The following CCND2 variants were observed in gnomAD, a reference collection of about 807,000 sequenced individuals.
CCND2 encodes the protein G1/S-specific cyclin-D2.
Under a neutral mutation model 30.2 loss-of-function variants are expected in CCND2, and 6 were observed. The observed-to-expected ratio is 0.20, with a 90% CI of 0.11 to 0.39. CCND2 has a LOEUF of 0.39. Ranked by LOEUF, CCND2 falls within the 10% of genes least tolerant of loss-of-function variation. The pLI is 1.00. For synonymous variants in CCND2, 150 were observed against 153.1 expected (o/e 0.98, Z 0.15); for missense variants, 235 against 373.4 (o/e 0.63, Z 3.06).
rs1226201563 is a variant in CCND2 at position 4,285,822 on chromosome 12, C to A, written c.572-3020C>A. 1.3e-5 allele frequency among the ~76,000 whole-genome samples: 2 copies of A among 152,164 alleles called. No individual in the cohort carries two copies. The highest frequency in any genetic ancestry group is 4.1e-4 in the South Asian group (2 of 4,828). ...TTTTCTCTCTGTTCAGTATCCCCTACCAGTAGAGAGGGGGATGTCCTTGAG... is the reference window on the plus strand; with the variant it reads ...TTTTCTCTCTGTTCAGTATCCCCTAACAGTAGAGAGGGGGATGTCCTTGAG... On this transcript the variant is annotated intron_variant, in intron 3 of 4. Coordinates refer to ENST00000261254, the MANE Select transcript of CCND2 (RefSeq NM_001759.4). This position sits in a 1 kb window ranked among gnomAD's most constrained non-coding sequence, Gnocchi z 4.1.
chr12:4,278,534 G>A (rs1670380979), intron 2 of CCND2: 3 of 437,996 alleles, frequency 6.8e-6, no homozygotes, highest in Non-Finnish European at 1.2e-5. Flanking sequence ...ACAGCTACCT[G>A]GGCTCTCATT....
At chr12:4,279,322 C>T (rs1353349961) in intron 3 of CCND2, among the ~76,000 whole-genome samples, 1 of 151,788 alleles carries the variant, frequency 6.6e-6, no homozygotes, top group Non-Finnish European at 1.5e-5. Flanking sequence ...GGGGCAAATA[C>T]AGGTTAAAGG....
rs1864254305 is a variant in CCND2, at chr12:4,301,852, T to A, written c.*1843T>A. 1 of 232,948 alleles carries A rather than the reference T, an allele frequency of 4.3e-6. No homozygotes were observed. Among genetic ancestry groups the A allele is most frequent in the Admixed American group, 5.6e-5 (1 of 17,770 alleles). 14.4% of individuals were successfully genotyped at this position (232,948 alleles called of 1,614,324 possible). On this transcript the variant is annotated 3_prime_UTR_variant, in exon 5 of 5. Transcript: ENST00000261254. The stretch of plus-strand genomic sequence containing the variant: ...AGTCCTGAAGTAGATGGTTGAGATA[T>A]GAGTTCTTCGTACTGGAAAAGCCCT...
rs1315521185 is a variant in CCND2, at chr12:4,273,978, A to G, written c.-63A>G. ...CTCTCCCCTCCCCTTCCAAAAAACAAAAACAGAAAAACCTTTTTCCAGGCC... is the reference window on the plus strand; with the variant it reads ...CTCTCCCCTCCCCTTCCAAAAAACAGAAACAGAAAAACCTTTTTCCAGGCC... On this transcript the variant is annotated 5_prime_UTR_variant, in exon 1 of 5. Transcript: ENST00000261254. This position sits in a 1 kb window ranked among gnomAD's most constrained non-coding sequence, Gnocchi z 5.9. The G allele has an allele frequency of 6.5e-6, 10 of 1,530,814 alleles. No homozygotes were observed. The highest frequency in any genetic ancestry group is 8.8e-6 in the Non-Finnish European group (10 of 1,132,904). The allele number at this position is 1,530,814 out of a possible 1,614,324, so 94.8% of individuals were successfully genotyped here. A position where few individuals can be genotyped will look rare whatever the true frequency, so the allele number is the denominator to read the frequency against.
chr12:4,283,929 G>A (rs1163261289), intron 3 of CCND2, among the ~76,000 whole-genome samples: 1 of 152,190 alleles, frequency 6.6e-6, no homozygotes, highest in Admixed American at 6.5e-5. Flanking sequence ...GAGGCTTTGG[G>A]GACTCGATGA....
chr12:4,276,831 T>C lies in CCND2; in HGVS notation c.411+611T>C, dbSNP rs1281113012. Among the ~76,000 whole-genome samples, 1 of 152,250 alleles carries C rather than the reference T, an allele frequency of 6.6e-6. No individual in the cohort carries two copies. Among genetic ancestry groups the C allele is most frequent in the Non-Finnish European group, 1.5e-5 (1 of 68,042 alleles). The stretch of plus-strand genomic sequence containing the variant: ...GTACAACCCCAGGGATCCTGTCTTA[T>C]CTCTGCTTTTCTACCAGGGAACCTT... On this transcript the variant is annotated intron_variant, in intron 2 of 4. Transcript: ENST00000261254. The surrounding 1 kb of genome is among the most constrained non-coding windows in gnomAD (Gnocchi z 4.8).
intron 4 of CCND2, among the ~76,000 whole-genome samples, chr12:4,290,171 G>T (rs1864078862): frequency 6.6e-6 from 1 of 152,238 alleles, no homozygotes; most frequent in Non-Finnish European, 1.5e-5. Flanking sequence ...AGAGCCCACG[G>T]CTGCAGCTCG....
chr12:4,288,262 G>A (rs900060454), intron 3 of CCND2, among the ~76,000 whole-genome samples: 10 of 148,638 alleles, frequency 6.7e-5, no homozygotes, highest in Admixed American at 2.7e-4. Flanking sequence ...TTGGGTGGGG[G>A]TCATATTAAT....
In CCND2 at chr12:4,274,329, G is replaced by C. The variant is rs1322941180; in HGVS notation, c.195+94G>C. On this transcript the variant is annotated intron_variant, in intron 1 of 4. Transcript: ENST00000261254. This position sits in a 1 kb window ranked among gnomAD's most constrained non-coding sequence, Gnocchi z 7.7. ...CTAAACCTGGGAGAGGGCAATCCCC[G>C]CGCCGGCCTCCCGGCTCCTGTGCGG... 1.5e-6 allele frequency: 2 copies of C among 1,358,234 alleles called. No homozygotes were observed. The highest frequency in any genetic ancestry group is 2.0e-6 in the Non-Finnish European group (2 of 976,720). 84.1% of individuals were successfully genotyped at this position (1,358,234 alleles called of 1,614,324 possible).
rs529153835 is a variant in CCND2, at chr12:4,303,713, G to A, written c.*3704G>A. On this transcript the variant is annotated 3_prime_UTR_variant, in exon 5 of 5. Coordinates refer to ENST00000261254, the MANE Select transcript of CCND2 (RefSeq NM_001759.4). This position sits in a 1 kb window ranked among gnomAD's most constrained non-coding sequence, Gnocchi z 4.6. ...GAGAAAGCCAAGGGCAGTTCCCTCC[G>A]CAGAACACCCCATGCGTGCTGAGAG... The A allele has an allele frequency of 5.1e-5, 12 of 233,576 alleles. No individual in the cohort carries two copies. The South Asian group carries it at 7.2e-4, about 14-fold the overall frequency. 14.5% of individuals were successfully genotyped at this position (233,576 alleles called of 1,614,324 possible). A position where few individuals can be genotyped will look rare whatever the true frequency, so the allele number is the denominator to read the frequency against.
Position 4,276,995 on chromosome 12 carries a change from A to AC in CCND2, c.411+780dup, listed in dbSNP as rs1321625234. 1.3e-5 allele frequency among the ~76,000 whole-genome samples: 2 copies of AC among 151,706 alleles called. No homozygotes were observed. The highest frequency in any genetic ancestry group is 6.6e-5 in the Admixed American group (1 of 15,234). On this transcript the variant is annotated intron_variant, in intron 2 of 4. Coordinates refer to ENST00000261254, the MANE Select transcript of CCND2 (RefSeq NM_001759.4). The surrounding 1 kb of genome is among the most constrained non-coding windows in gnomAD (Gnocchi z 4.8). The stretch of plus-strand genomic sequence containing the variant: ...CCCTCTTTGCACTGTTCAGAAAAGC[A>AC]CCCCCTCCTTCCCGCCCCTCCCCCT...
intron 4 of CCND2, among the ~76,000 whole-genome samples, chr12:4,297,229 G>C (rs1864182285): frequency 6.6e-6 from 1 of 152,060 alleles, no homozygotes; most frequent in African/African-American, 2.4e-5. Context: ...TAGATTATTA[G>C]GATTTAAGGT....
chr12:4,298,135 C>T (rs1864200074), intron 4 of CCND2, among the ~76,000 whole-genome samples: 1 of 152,198 alleles, frequency 6.6e-6, no homozygotes, highest in Non-Finnish European at 1.5e-5. Flanking sequence ...GCCCTTTACT[C>T]TGATTATTTT....
rs372384965 is a variant in CCND2 at position 4,276,227 on chromosome 12, A to G, written c.411+7A>G. 6.2e-7 allele frequency: 1 copy of G among 1,610,514 alleles called. No individual in the cohort carries two copies. The highest frequency in any genetic ancestry group is 8.5e-7 in the Non-Finnish European group (1 of 1,177,056). On this transcript the variant is annotated splice_region_variant and intron_variant, in intron 2 of 4. Transcript: ENST00000261254. The surrounding 1 kb of genome is among the most constrained non-coding windows in gnomAD (Gnocchi z 4.8). ...CAAGCCTCAGGAGCTGCTGGTAATGACCGGCCCCTTCCTCCCTTCCTTTCT... is the reference window on the plus strand; with the variant it reads ...CAAGCCTCAGGAGCTGCTGGTAATGGCCGGCCCCTTCCTCCCTTCCTTTCT...
chr12:4,304,819 T>C lies in CCND2; in HGVS notation c.*4810T>C, dbSNP rs1864293981. On this transcript the variant is annotated 3_prime_UTR_variant, in exon 5 of 5. Coordinates refer to ENST00000261254, the MANE Select transcript of CCND2 (RefSeq NM_001759.4). This position sits in a 1 kb window ranked among gnomAD's most constrained non-coding sequence, Gnocchi z 6.2. ...TTGAAAAACAAAGTTTCTATTTTTA[T>C]TTTTAATTGGTTTAGTTCTTAACTG... is the stretch of plus-strand genomic sequence containing the variant. The C allele has an allele frequency of 4.3e-6, 1 of 233,634 alleles. No homozygotes were observed. The highest frequency in any genetic ancestry group is 2.2e-5 in the African/African-American group (1 of 45,342). 14.5% of individuals were successfully genotyped at this position (233,634 alleles called of 1,614,324 possible).
chr12:4,275,800 A>G (rs1054256671), intron 1 of CCND2, among the ~76,000 whole-genome samples: 3 of 151,818 alleles, frequency 2.0e-5, no homozygotes, highest in Admixed American at 2.0e-4. Flanking sequence ...TGGGAATACC[A>G]AAGCACTGAT....
chr12:4,273,780 C>T lies in CCND2; in HGVS notation c.-261C>T, dbSNP rs541290345. ...CCGCTTCAGAGCGGAGAAGAGCGAG[C>T]AGGGGAGAGCGAGACCAGTTTTAAG... On this transcript the variant is annotated 5_prime_UTR_variant, in exon 1 of 5. Coordinates refer to ENST00000261254, the MANE Select transcript of CCND2 (RefSeq NM_001759.4). The surrounding 1 kb of genome is among the most constrained non-coding windows in gnomAD (Gnocchi z 5.9). The T allele has an allele frequency of 6.0e-5, 33 of 546,154 alleles. No individual in the cohort carries two copies. In the South Asian group the frequency reaches 7.3e-4, roughly 12 times the overall value. The allele number at this position is 546,154 out of a possible 1,614,324, so 33.8% of individuals were successfully genotyped here. A position where few individuals can be genotyped will look rare whatever the true frequency, so the allele number is the denominator to read the frequency against.
At chr12:4,286,516 C>T (rs570037135) in intron 3 of CCND2, among the ~76,000 whole-genome samples, 52 of 152,290 alleles carry the variant, frequency 3.4e-4, no homozygotes, top group Non-Finnish European at 5.9e-4. Context: ...GCAGCACGGC[C>T]GCCGTCCTCG....
chr12:4,297,840 A>G (rs1247963654), intron 4 of CCND2: 1 of 453,374 alleles, frequency 2.2e-6, no homozygotes, highest in Non-Finnish European at 4.4e-6. Context: ...CAAGTCCCAG[A>G]GGCCAGCGCC....
Sources: gnomAD v4.1 joint callset for allele counts (sites outside exome capture counted in the v4.1 genomes callset) on GRCh38, gnomAD v4.1.1 for gene constraint, Gnocchi (gnomAD v3.1) non-coding constraint, MANE v1.5 for transcripts, NCBI Gene and HGNC (gene_info 2026-07-23, HGNC 2026-07-21) for gene names.